The following CNTNAP2 variants were observed in gnomAD, a reference collection of about 807,000 sequenced individuals.
CNTNAP2 encodes the protein contactin-associated protein-like 2.
Under a neutral mutation model 155.2 loss-of-function variants are expected in CNTNAP2, and 98 were observed. The ratio of observed to expected loss-of-function variants is 0.63; its 90% CI spans 0.54 to 0.75. CNTNAP2 has a LOEUF of 0.75. Ranked by LOEUF, CNTNAP2 falls within the 30% of genes least tolerant of loss-of-function variation. CNTNAP2 has a pLI of 0.00. For synonymous variants in CNTNAP2, 651 were observed against 631.2 expected, an observed-to-expected ratio of 1.03 and a Z score of -0.47; for missense variants, 1,727 against 1,688.1, an observed-to-expected ratio of 1.02 and a Z score of -0.40.
intron 8 of CNTNAP2, among the ~76,000 whole-genome samples, chr7:147,151,340 A>T (rs1223630549): frequency 1.3e-5 from 2 of 152,192 alleles, no homozygotes; most frequent in African/African-American, 4.8e-5. Context: ...AATGATAAAC[A>T]TGAGTATAAT....
chr7:146,258,001 C>T (rs1219055445), intron 1 of CNTNAP2, among the ~76,000 whole-genome samples: 5 of 151,962 alleles, frequency 3.3e-5, no homozygotes. Context: ...AGCGATTCTC[C>T]TGTCTCAGCT....
chr7:147,350,829 A>G (rs1795955635), intron 9 of CNTNAP2, among the ~76,000 whole-genome samples: 1 of 151,864 alleles, frequency 6.6e-6, no homozygotes, highest in South Asian at 2.1e-4. Flanking sequence ...GCCTGGACCA[A>G]AGCATTTTAA....
intron 14 of CNTNAP2, among the ~76,000 whole-genome samples, chr7:147,945,621 T>C (rs894405964): frequency 1.3e-5 from 2 of 151,934 alleles, no homozygotes; most frequent in African/African-American, 4.8e-5. Flanking sequence ...CCTGTCATCA[T>C]GCCTACAACA....
chr7:147,758,736 T>G (rs1008248875), intron 13 of CNTNAP2, among the ~76,000 whole-genome samples: 2 of 152,070 alleles, frequency 1.3e-5, no homozygotes, highest in Admixed American at 1.3e-4. Flanking sequence ...GCCCAGCTAC[T>G]TGCGGGGCTG....
intron 9 of CNTNAP2, among the ~76,000 whole-genome samples, chr7:147,313,637 C>A (rs539321435): frequency 6.6e-6 from 1 of 151,610 alleles, no homozygotes; most frequent in African/African-American, 2.4e-5. Flanking sequence ...TGTTTTGGTA[C>A]CATTACCATG....
chr7:146,297,498 C>T (rs1308142994), intron 1 of CNTNAP2, among the ~76,000 whole-genome samples: 1 of 151,358 alleles, frequency 6.6e-6, no homozygotes, highest in East Asian at 1.9e-4. Context: ...AAGAGATAGC[C>T]AAATGAGGAA....
chr7:146,231,464 G>T (rs537608308), intron 1 of CNTNAP2, among the ~76,000 whole-genome samples: 1 of 152,282 alleles, frequency 6.6e-6, no homozygotes, highest in Admixed American at 6.5e-5. Flanking sequence ...CCTGCTTATA[G>T]TATCCACTTA....
At chr7:146,874,023 GAAAT>G (rs1795369815) in intron 3 of CNTNAP2, among the ~76,000 whole-genome samples, 1 of 152,020 alleles carries the variant, frequency 6.6e-6, no homozygotes, top group Admixed American at 6.6e-5. Flanking sequence ...CATTTCAGGA[GAAAT>G]AAATCAGAAA....
intron 16 of CNTNAP2, among the ~76,000 whole-genome samples, chr7:148,140,188 C>T (rs879525883): frequency 5.3e-5 from 8 of 152,120 alleles, no homozygotes; most frequent in Non-Finnish European, 1.0e-4. Context: ...CATTTCTTTC[C>T]TGGAACGGGT....
chr7:146,694,705 A>G (rs1210875747), intron 1 of CNTNAP2, among the ~76,000 whole-genome samples: 2 of 152,190 alleles, frequency 1.3e-5, no homozygotes, highest in Admixed American at 6.6e-5. Flanking sequence ...GGTTTTAACA[A>G]TATTGAGTCT....
At chr7:146,150,446 A>C (rs1436967424) in intron 1 of CNTNAP2, among the ~76,000 whole-genome samples, 1 of 152,162 alleles carries the variant, frequency 6.6e-6, no homozygotes, top group Non-Finnish European at 1.5e-5. Flanking sequence ...GGACTTGTAA[A>C]AATATGTTTT....
chr7:147,038,094 T>G (rs1421645314), intron 3 of CNTNAP2, among the ~76,000 whole-genome samples: 2 of 152,158 alleles, frequency 1.3e-5, no homozygotes, highest in Non-Finnish European at 2.9e-5. Flanking sequence ...ATTCAAGGGT[T>G]ACAGTTAGCT....
intron 13 of CNTNAP2, among the ~76,000 whole-genome samples, chr7:147,782,124 C>T (rs889496847): frequency 4.0e-5 from 6 of 151,824 alleles, no homozygotes; most frequent in Non-Finnish European, 8.8e-5. Context: ...GTGTCTAATA[C>T]CCAATCAGAA....
chr7:147,430,555 G>T (rs909145866), intron 10 of CNTNAP2, among the ~76,000 whole-genome samples: 1 of 152,166 alleles, frequency 6.6e-6, no homozygotes, highest in Non-Finnish European at 1.5e-5. Flanking sequence ...AATCCCCTCA[G>T]CAAGTGTTTA....
intron 21 of CNTNAP2, among the ~76,000 whole-genome samples, chr7:148,373,612 G>T (rs1023932870): frequency 6.6e-6 from 1 of 152,126 alleles, no homozygotes; most frequent in Non-Finnish European, 1.5e-5. Flanking sequence ...TCATTATGTG[G>T]TGCCTGACTG....
chr7:147,879,319 C>T (rs1922892), intron 13 of CNTNAP2, among the ~76,000 whole-genome samples: 86,527 of 151,884 alleles, frequency 0.57, 25,229 homozygotes, highest in African/African-American at 0.69. Context: ...GCATTCAGAG[C>T]CAGGGTCACA....
At chr7:147,097,272 G>C (rs527728801) in intron 4 of CNTNAP2, among the ~76,000 whole-genome samples, 1 of 152,284 alleles carries the variant, frequency 6.6e-6, no homozygotes, top group African/African-American at 2.4e-5. Context: ...GAACATTAAT[G>C]ATTTTACAAG....
intron 1 of CNTNAP2, among the ~76,000 whole-genome samples, chr7:146,130,331 G>T (rs1200960971): frequency 6.6e-6 from 1 of 152,090 alleles, no homozygotes; most frequent in African/African-American, 2.4e-5. Flanking sequence ...CAAGTGTGGT[G>T]GTGTGTGTCT....
At chr7:146,399,355 A>G (rs1795681810) in intron 1 of CNTNAP2, among the ~76,000 whole-genome samples, 1 of 152,120 alleles carries the variant, frequency 6.6e-6, no homozygotes. Flanking sequence ...TCTGGTATGC[A>G]GCATTCTACT....
Sources: allele counts gnomAD v4.1 joint callset (sites outside exome capture counted in the v4.1 genomes callset), GRCh38; gene constraint gnomAD v4.1.1; transcripts MANE v1.5; gene names NCBI Gene and HGNC (gene_info 2026-07-23, HGNC 2026-07-21).